SATB1: variants seen among roughly 807,000 people sequenced by gnomAD.
The protein encoded by SATB1 is SATB homeobox 1, also known as DNA-binding protein SATB1.
In SATB1, 11 loss-of-function variants were observed where a neutral mutation model predicts 86.9. The observed-to-expected ratio is 0.13, with a 90% CI of 0.08 to 0.21. The LOEUF (loss-of-function observed/expected upper bound fraction) is 0.21. Among genes scored for constraint, SATB1 ranks in the 10% least tolerant of loss-of-function variants. SATB1 has a pLI of 1.00. For synonymous variants in SATB1, 357 were observed against 357.2 expected (o/e 1.00, Z 0.01); for missense variants, 551 against 937.6 (o/e 0.59, Z 5.39).
intron 5 of SATB1, among the ~76,000 whole-genome samples, chr3:18,407,516 C>G (rs1697604678): frequency 6.6e-6 from 1 of 152,014 alleles, no homozygotes; most frequent in Non-Finnish European, 1.5e-5. Context: ...CACTTTAGGA[C>G]TGAAAACTGT....
At position 18,348,885 on chromosome 3, in the gene SATB1, T is replaced by G; in HGVS notation, c.*285A>C. ...CTAAAAAAAAAACAAAAAACACTGG[T>G]TTCATGCTTACGGGGTACACACTTT... On this transcript the variant is annotated 3_prime_UTR_variant, in exon 11 of 11. Coordinates refer to ENST00000338745, the MANE Select transcript of SATB1 (RefSeq NM_002971.6). The G allele has an allele frequency of 2.5e-6, 1 of 392,292 alleles. No homozygotes were observed. Among genetic ancestry groups the G allele is most frequent in the Non-Finnish European group, 4.5e-6 (1 of 220,530 alleles). 24.3% of individuals were successfully genotyped at this position (392,292 alleles called of 1,614,324 possible).
At chr3:18,416,193 A>G (rs898659778) in intron 3 of SATB1, 60 bp from the exon 4 acceptor site, 4 of 1,388,592 alleles carry the variant, frequency 2.9e-6, no homozygotes, top group African/African-American at 1.4e-5. Context: ...TATATCTACT[A>G]GAAGGGTGTT....
chr3:18,362,965 A>G (rs544718883), intron 9 of SATB1, among the ~76,000 whole-genome samples: 49 of 151,740 alleles, frequency 3.2e-4, no homozygotes, highest in Non-Finnish European at 5.9e-4. Context: ...TTGTCTGCTT[A>G]CAAAAATAAT....
upstream of SATB1, among the ~76,000 whole-genome samples, chr3:18,439,516 A>G (rs537830702): frequency 6.6e-6 from 1 of 152,336 alleles, no homozygotes; most frequent in South Asian, 2.1e-4. Flanking sequence ...TGTTGATCAC[A>G]CTCTATGAAG....
At chr3:18,380,888 A>G (rs1293654115) in intron 8 of SATB1, among the ~76,000 whole-genome samples, 1 of 152,206 alleles carries the variant, frequency 6.6e-6, no homozygotes, top group East Asian at 1.9e-4. Flanking sequence ...ATCTTCTTTA[A>G]TCCTGGTTTA....
At chr3:18,442,267 C>G (rs990424514), upstream of SATB1, among the ~76,000 whole-genome samples, 16 of 150,834 alleles carry the variant, frequency 1.1e-4, no homozygotes, top group East Asian at 2.2e-3. Flanking sequence ...TATTTATATT[C>G]ATTATTCAGA....
intron 9 of SATB1, among the ~76,000 whole-genome samples, chr3:18,369,537 A>G (rs987218401): frequency 7.2e-5 from 11 of 152,072 alleles, no homozygotes; most frequent in Non-Finnish European, 1.5e-4. Flanking sequence ...TACATACCCC[A>G]ACCCTTAAAA....
chr3:18,377,651 T>C lies in SATB1; in HGVS notation c.1575+519A>G, dbSNP rs190273185. ...TTAAAATCATTAATATGCAAAGCTA[T>C]GTGTGTGTGTGTGTCAGTTTGTCTT... On this transcript the variant is annotated intron_variant, in intron 9 of 10. Coordinates refer to ENST00000338745, the MANE Select transcript of SATB1 (RefSeq NM_002971.6). 6.6e-3 allele frequency among the ~76,000 whole-genome samples: 997 copies of C among 151,186 alleles called. 8 individuals carry two copies. The highest frequency in any genetic ancestry group is 0.023 in the African/African-American group (950 of 40,932).
chr3:18,352,452 A>G lies in SATB1; in HGVS notation c.1576-257T>C. ...TTTTTTCAGACTCTGAGGGTAACAG[A>G]GCATTTATCACAGATTTTTTAATAT... On this transcript the variant is annotated intron_variant, in intron 9 of 10. Coordinates refer to ENST00000338745, the MANE Select transcript of SATB1 (RefSeq NM_002971.6). This position sits in a 1 kb window ranked among gnomAD's most constrained non-coding sequence, Gnocchi z 4.1. 2.3e-6 allele frequency: 1 copy of G among 429,648 alleles called. No homozygotes were observed. Among genetic ancestry groups the G allele is most frequent in the Non-Finnish European group, 4.2e-6 (1 of 236,438 alleles). The allele number at this position is 429,648 out of a possible 1,614,324, so 26.6% of individuals were successfully genotyped here.
intron 9 of SATB1, among the ~76,000 whole-genome samples, chr3:18,376,551 ACAAGAATGTGTGGGGTGGG>A (rs1398481687): frequency 2.8e-5 from 4 of 142,922 alleles, no homozygotes; most frequent in Non-Finnish European, 6.1e-5. Context: ...AAGAGCCAAA[ACAAGAATGTGTGGGGTGGG>A]CAAGTAGGTG....
chr3:18,367,739 C>A (rs1282971431), intron 9 of SATB1, among the ~76,000 whole-genome samples: 1 of 152,174 alleles, frequency 6.6e-6, no homozygotes, highest in Non-Finnish European at 1.5e-5. Flanking sequence ...TTTCCCCTCT[C>A]TTTTCTGTTC....
At chr3:18,401,172 C>T (rs915378360) in intron 5 of SATB1, among the ~76,000 whole-genome samples, 5 of 152,196 alleles carry the variant, frequency 3.3e-5, no homozygotes, top group African/African-American at 1.2e-4. Context: ...TAGGTCTCAT[C>T]TGAATATATC....
At position 18,352,403 on chromosome 3, in the gene SATB1, T is replaced by A. The variant is rs1183209154; in HGVS notation, c.1576-208A>T. Reference sequence around the variant, plus strand: ...ACTCTGTTTCTAATCAAAGTTCAGATTTGCATCTCAAAGGAGGGACATATT... The same window carrying A: ...ACTCTGTTTCTAATCAAAGTTCAGAATTGCATCTCAAAGGAGGGACATATT... On this transcript the variant is annotated intron_variant, in intron 9 of 10. Coordinates refer to ENST00000338745, the MANE Select transcript of SATB1 (RefSeq NM_002971.6). This position sits in a 1 kb window ranked among gnomAD's most constrained non-coding sequence, Gnocchi z 4.1. 1 of 537,086 alleles carries A rather than the reference T, an allele frequency of 1.9e-6. No individual in the cohort carries two copies. The highest frequency in any genetic ancestry group is 3.3e-6 in the Non-Finnish European group (1 of 300,614). 33.3% of individuals were successfully genotyped at this position (537,086 alleles called of 1,614,324 possible). A position where few individuals can be genotyped will look rare whatever the true frequency, so the allele number is the denominator to read the frequency against.
chr3:18,369,338 G>GA (rs1028792853), intron 9 of SATB1, among the ~76,000 whole-genome samples: 1 of 150,688 alleles, frequency 6.6e-6, no homozygotes, highest in Non-Finnish European at 1.5e-5. Flanking sequence ...AAAACTTACA[G>GA]AAAAAAAATG....
At chr3:18,382,643 A>G (rs563691942) in intron 8 of SATB1, among the ~76,000 whole-genome samples, 29 of 152,344 alleles carry the variant, frequency 1.9e-4, no homozygotes, top group Admixed American at 2.6e-4. Flanking sequence ...TCATGAGACC[A>G]AAGTTTAAAA....
chr3:18,395,292 T>C (rs1295988767), intron 6 of SATB1, among the ~76,000 whole-genome samples: 1 of 152,206 alleles, frequency 6.6e-6, no homozygotes. Flanking sequence ...TAATGACAAC[T>C]ACAAACAGTG....
chr3:18,359,676 G>A (rs778450332), intron 9 of SATB1, among the ~76,000 whole-genome samples: 2 of 149,878 alleles, frequency 1.3e-5, no homozygotes, highest in Admixed American at 6.6e-5. Flanking sequence ...TTTTTTTCTC[G>A]TCAGCCTAAG....
chr3:18,426,038 A>T (rs1179863564), upstream of SATB1, among the ~76,000 whole-genome samples: 1 of 152,140 alleles, frequency 6.6e-6, no homozygotes, highest in African/African-American at 2.4e-5. The surrounding 1 kb of genome is among the most constrained non-coding windows in gnomAD (Gnocchi z 4.2). Context: ...CGCAGGTGAC[A>T]GGCGCTGAGG....
At chr3:18,359,194 A>G (rs11926876) in intron 9 of SATB1, among the ~76,000 whole-genome samples, 2,250 of 152,068 alleles carry the variant, frequency 0.015, 54 homozygotes, top group African/African-American at 0.051. Context: ...AAAGCCACTA[A>G]CTTTAGGGCA....
Sources: gnomAD v4.1 joint callset for allele counts (sites outside exome capture counted in the v4.1 genomes callset) on GRCh38, gnomAD v4.1.1 for gene constraint, Gnocchi (gnomAD v3.1) non-coding constraint, MANE v1.5 for transcripts, NCBI Gene and HGNC (gene_info 2026-07-23, HGNC 2026-07-21) for gene names.